The following TTC28 variants were observed in gnomAD, a reference collection of about 807,000 sequenced individuals.
TTC28 encodes the protein tetratricopeptide repeat protein 28.
A neutral mutation model predicts 198.0 loss-of-function variants in TTC28; 61 were observed. The observed-to-expected ratio is 0.31, with a 90% CI of 0.25 to 0.38. The LOEUF is 0.38. Among genes scored for constraint, TTC28 ranks in the 10% least tolerant of loss-of-function variants. The probability of loss-of-function intolerance (pLI) is 1.00; values close to 1 mark genes in which losing one functional copy is unlikely to be tolerated. For missense variants in TTC28, 2,678 were observed against 3,164.0 expected (o/e 0.85, Z 3.69); for synonymous variants, 1,171 against 1,297.8 (o/e 0.90, Z 2.10).
intron 1 of TTC28, among the ~76,000 whole-genome samples, chr22:28,672,659 CAAT>C (rs765875892): frequency 6.6e-6 from 1 of 152,146 alleles, no homozygotes; most frequent in Non-Finnish European, 1.5e-5. Flanking sequence ...GAGAAAGCAA[CAAT>C]AATGTCCTTC....
intron 2 of TTC28, among the ~76,000 whole-genome samples, chr22:28,541,892 G>A (rs2049420185): frequency 6.6e-6 from 1 of 151,910 alleles, no homozygotes; most frequent in Non-Finnish European, 1.5e-5. Flanking sequence ...ACCAGCCTGA[G>A]CAATATAGCA....
chr22:28,675,806 G>C (rs2051976185), intron 1 of TTC28, among the ~76,000 whole-genome samples: 2 of 150,106 alleles, frequency 1.3e-5, no homozygotes, highest in Non-Finnish European at 3.0e-5. Context: ...CTCTTTTATA[G>C]CTGCAGTGGC....
rs116629535 is a variant in TTC28 at position 27,988,584 on chromosome 22, G to A, written c.5707+1294C>T. ...ATTACAGGAGTGAGCCACCGCACCC[G>A]GCAGGAAAGAAGCATTTTTAAGGAT... On this transcript the variant is annotated intron_variant, in intron 21 of 22. Transcript: ENST00000397906. Among the ~76,000 whole-genome samples, 1,444 of 152,122 alleles carry A rather than the reference G, an allele frequency of 9.5e-3. 26 individuals are homozygous for A. Among genetic ancestry groups the A allele is most frequent in the African/African-American group, 0.032 (1,347 of 41,494 alleles).
intron 5 of TTC28, among the ~76,000 whole-genome samples, chr22:28,268,445 T>G (rs921603619): frequency 6.6e-6 from 1 of 152,184 alleles, no homozygotes; most frequent in Admixed American, 6.6e-5. Flanking sequence ...AAAACATCCT[T>G]GAAGGCAGAC....
intron 1 of TTC28, among the ~76,000 whole-genome samples, chr22:28,673,159 G>A (rs926258376): frequency 5.3e-5 from 8 of 152,156 alleles, no homozygotes; most frequent in Non-Finnish European, 1.5e-5. Context: ...CGGATCACGA[G>A]GTCAGGAGAT....
chr22:28,090,798 G>A (rs961983231), intron 12 of TTC28, among the ~76,000 whole-genome samples: 2 of 152,092 alleles, frequency 1.3e-5, no homozygotes, highest in African/African-American at 2.4e-5. Flanking sequence ...GACACGAATC[G>A]CTCTCACAAA....
chr22:28,212,574 CAAGAT>C (rs1210254129), intron 5 of TTC28, among the ~76,000 whole-genome samples: 1 of 113,168 alleles, frequency 8.8e-6, no homozygotes, highest in Non-Finnish European at 1.9e-5. Flanking sequence ...AAGACTAAAA[CAAGAT>C]AAGAAGTTGA....
chr22:28,448,784 C>G (rs2047736855), intron 2 of TTC28, among the ~76,000 whole-genome samples: 1 of 152,176 alleles, frequency 6.6e-6, no homozygotes, highest in Admixed American at 6.5e-5. Context: ...AAAACTGCTA[C>G]AGATCACTCC....
intron 2 of TTC28, among the ~76,000 whole-genome samples, chr22:28,417,691 C>T (rs1388661598): frequency 2.0e-5 from 3 of 152,226 alleles, no homozygotes; most frequent in East Asian, 1.9e-4. Context: ...AGTTACAATA[C>T]CCCAAGTCAA....
chr22:28,129,885 G>A (rs1176784337), intron 6 of TTC28, among the ~76,000 whole-genome samples: 1 of 152,140 alleles, frequency 6.6e-6, no homozygotes, highest in Admixed American at 6.5e-5. Flanking sequence ...TCTAAGGTGA[G>A]GCCAAGGGAG....
chr22:28,183,187 G>A (rs1923873340), intron 5 of TTC28, among the ~76,000 whole-genome samples: 1 of 151,960 alleles, frequency 6.6e-6, no homozygotes, highest in African/African-American at 2.4e-5. Flanking sequence ...AGCCTTCTGA[G>A]TAGCTGGGAC....
intron 2 of TTC28, among the ~76,000 whole-genome samples, chr22:28,585,453 A>G (rs1220985442): frequency 6.6e-6 from 1 of 152,178 alleles, no homozygotes; most frequent in African/African-American, 2.4e-5. Context: ...ATCTAATGCC[A>G]CTGCTGATCT....
At chr22:28,036,481 A>G (rs1233347944) in intron 12 of TTC28, among the ~76,000 whole-genome samples, 1 of 152,216 alleles carries the variant, frequency 6.6e-6, no homozygotes, top group Non-Finnish European at 1.5e-5. Context: ...GAGAACAAAG[A>G]CACAACATAC....
At chr22:28,565,467 A>C (rs937490758) in intron 2 of TTC28, among the ~76,000 whole-genome samples, 3 of 152,216 alleles carry the variant, frequency 2.0e-5, no homozygotes, top group Non-Finnish European at 2.9e-5. Flanking sequence ...CTTTCAAAGA[A>C]CGAGATCAAA....
chr22:28,197,780 T>C (rs939790256), intron 5 of TTC28, among the ~76,000 whole-genome samples: 3 of 151,874 alleles, frequency 2.0e-5, no homozygotes, highest in Non-Finnish European at 2.9e-5. Context: ...TTTGGGAGAT[T>C]GAGGTAGGAG....
At chr22:28,124,842 G>GAT (rs895298996) in intron 6 of TTC28, among the ~76,000 whole-genome samples, 1 of 152,162 alleles carries the variant, frequency 6.6e-6, no homozygotes, top group African/African-American at 2.4e-5. Context: ...GAGGTAGAAG[G>GAT]TAGAGGTAAT....
At chr22:28,234,305 G>C (rs557202789) in intron 5 of TTC28, among the ~76,000 whole-genome samples, 1 of 152,056 alleles carries the variant, frequency 6.6e-6, no homozygotes, top group African/African-American at 2.4e-5. Flanking sequence ...GCCTCCCAAA[G>C]TGCTAGGATT....
At chr22:28,018,607 G>A (rs975966149) in intron 13 of TTC28, among the ~76,000 whole-genome samples, 36 of 152,192 alleles carry the variant, frequency 2.4e-4, no homozygotes, top group African/African-American at 7.7e-4. Flanking sequence ...GTTTCTCCAT[G>A]CTAGTGGCCC....
intron 2 of TTC28, among the ~76,000 whole-genome samples, chr22:28,516,252 A>AT (rs2048784548): frequency 6.6e-6 from 1 of 152,114 alleles, no homozygotes; most frequent in African/African-American, 2.4e-5. Context: ...AATGCTATGA[A>AT]TTTTCTGAGG....
Sources: allele counts gnomAD v4.1 joint callset (sites outside exome capture counted in the v4.1 genomes callset), GRCh38; gene constraint gnomAD v4.1.1; transcripts MANE v1.5; gene names NCBI Gene and HGNC (gene_info 2026-07-23, HGNC 2026-07-21).